Variants in RHBDD1 observed in about 807,000 individuals in gnomAD.
RHBDD1 encodes rhomboid-related protein 4.
In RHBDD1, 38 loss-of-function variants were observed where a neutral mutation model predicts 36.3. The observed-to-expected ratio is 1.05, with a 90% CI of 0.81 to 1.37. The LOEUF (loss-of-function observed/expected upper bound fraction) is 1.37. Ranked by LOEUF, RHBDD1 falls within the 40% of genes most tolerant of loss-of-function variation. RHBDD1 has a pLI of 0.00. For missense variants in RHBDD1, 393 were observed against 377.6 expected (o/e 1.04, Z -0.34); for synonymous variants, 151 against 136.5 (o/e 1.11, Z -0.74).
the RHBDD1 span, among the ~76,000 whole-genome samples, chr2:226,803,814 G>T: frequency 6.6e-6 from 1 of 152,164 alleles, no homozygotes; most frequent in South Asian, 2.1e-4. Context: ...CCAATTAAAA[G>T]AGAGCTGAAA....
At chr2:226,836,993 C>G (rs1054031911) in intron 1 of RHBDD1, among the ~76,000 whole-genome samples, 1 of 152,180 alleles carries the variant, frequency 6.6e-6, no homozygotes, top group Non-Finnish European at 1.5e-5. Context: ...TGGAAATGCA[C>G]ATTTTGGGGT....
At chr2:226,984,481 A>T (rs1171635518) in intron 8 of RHBDD1, among the ~76,000 whole-genome samples, 2 of 152,156 alleles carry the variant, frequency 1.3e-5, no homozygotes, top group Non-Finnish European at 2.9e-5. Context: ...TCATGTCCTC[A>T]TGTAAACCTA....
At chr2:226,838,664 AT>A (rs1941281933) in intron 2 of RHBDD1, among the ~76,000 whole-genome samples, 2 of 152,224 alleles carry the variant, frequency 1.3e-5, no homozygotes, top group African/African-American at 4.8e-5. Context: ...TATGCCATTC[AT>A]TTTATAATAT....
intron 5 of RHBDD1, among the ~76,000 whole-genome samples, chr2:226,897,927 C>T (rs1429059187): frequency 4.6e-5 from 7 of 151,998 alleles, no homozygotes; most frequent in Admixed American, 2.0e-4. Flanking sequence ...TGCAATGAGC[C>T]GAGATTGCGC....
intron 8 of RHBDD1, among the ~76,000 whole-genome samples, chr2:226,940,090 C>A (rs1460501998): frequency 6.6e-6 from 1 of 152,138 alleles, no homozygotes; most frequent in Non-Finnish European, 1.5e-5. Flanking sequence ...GGACCCCTTC[C>A]CTACACCTTA....
chr2:226,818,895 T>G, the RHBDD1 span, among the ~76,000 whole-genome samples: 2 of 152,078 alleles, frequency 1.3e-5, no homozygotes, highest in Non-Finnish European at 2.9e-5. Context: ...CTGAGAGCAC[T>G]GAGCCATGAT....
intron 8 of RHBDD1, among the ~76,000 whole-genome samples, chr2:226,929,132 C>T (rs1385312789): frequency 2.6e-5 from 4 of 152,004 alleles, no homozygotes; most frequent in South Asian, 2.1e-4. Context: ...AAGAGGGAAT[C>T]GTCCCTAATT....
At chr2:226,910,335 C>T (rs1948431878) in intron 7 of RHBDD1, among the ~76,000 whole-genome samples, 1 of 152,146 alleles carries the variant, frequency 6.6e-6, no homozygotes, top group African/African-American at 2.4e-5. Flanking sequence ...TAGTTATATG[C>T]CTTTCTCTGA....
chr2:226,834,215 GAAGAT>G (rs1314591989), upstream of RHBDD1, among the ~76,000 whole-genome samples: 9 of 152,316 alleles, frequency 5.9e-5, no homozygotes, highest in African/African-American at 1.7e-4. Context: ...ATGGAGAATA[GAAGAT>G]AAGATTAATA....
intron 4 of RHBDD1, 78 bp downstream of exon 4, chr2:226,865,204 G>A: frequency 8.8e-7 from 1 of 1,134,232 alleles, no homozygotes; most frequent in Non-Finnish European, 1.3e-6. Flanking sequence ...TATGAAGTGT[G>A]GGTCCCTATC....
At chr2:226,853,687 A>G (rs1192350183) in intron 3 of RHBDD1, among the ~76,000 whole-genome samples, 1 of 152,254 alleles carries the variant, frequency 6.6e-6, no homozygotes, top group African/African-American at 2.4e-5. Context: ...AATTGGGCAC[A>G]AGATGTAATG....
intron 8 of RHBDD1, among the ~76,000 whole-genome samples, chr2:226,991,672 A>AGC (rs1294234102): frequency 3.3e-5 from 5 of 152,208 alleles, no homozygotes; most frequent in Admixed American, 6.5e-5. Context: ...CCAACAAAGG[A>AGC]GCTACTCAGT....
intron 5 of RHBDD1, among the ~76,000 whole-genome samples, chr2:226,877,129 G>C (rs1945302503): frequency 6.6e-6 from 1 of 152,206 alleles, no homozygotes; most frequent in Non-Finnish European, 1.5e-5. Flanking sequence ...AATTTGGCAT[G>C]TGGTGGTTGC....
At chr2:226,982,913 G>T (rs1265915726) in intron 8 of RHBDD1, among the ~76,000 whole-genome samples, 1 of 152,104 alleles carries the variant, frequency 6.6e-6, no homozygotes, top group Non-Finnish European at 1.5e-5. Flanking sequence ...ACTAACGATT[G>T]TATTTGTTGT....
At chr2:226,813,670 G>T in the RHBDD1 span, among the ~76,000 whole-genome samples, 1 of 152,198 alleles carries the variant, frequency 6.6e-6, no homozygotes, top group Middle Eastern at 3.2e-3. Flanking sequence ...AATAAGATAG[G>T]AATAGTAATA....
At chr2:226,847,014 G>A (rs565091677) in intron 3 of RHBDD1, among the ~76,000 whole-genome samples, 1 of 152,318 alleles carries the variant, frequency 6.6e-6, no homozygotes, top group Admixed American at 6.5e-5. Context: ...AACTGCACAT[G>A]TGGATAGGTA....
At position 226,864,953 on chromosome 2, in the gene RHBDD1, C is replaced by G. The variant is rs777428425; in HGVS notation, c.260C>G (p.Ser87Cys). The change falls in exon 4 of 9, where the codon TCC (serine) becomes TGC (cysteine). Residue 87 changes from serine (S) to cysteine (C), a missense_variant. By Grantham distance (112) the Ser-to-Cys change is moderately radical. Coordinates refer to ENST00000392062, the MANE Select transcript of RHBDD1 (RefSeq NM_001167608.3). ...DDWHLYFNMASMLWKGINLER... is the reference protein window; with the variant it reads ...DDWHLYFNMACMLWKGINLER... ...TGGCATTTGTATTTCAATATGGCAT[C>G]CATGCTCTGGAAAGGAATAAATCTA... The G allele has an allele frequency of 1.2e-6, 2 of 1,614,202 alleles. No homozygotes were observed. Among genetic ancestry groups the G allele is most frequent in the South Asian group, 2.2e-5 (2 of 91,084 alleles).
At chr2:226,801,618 C>G in the RHBDD1 span, among the ~76,000 whole-genome samples, 1 of 152,042 alleles carries the variant, frequency 6.6e-6, no homozygotes, top group Non-Finnish European at 1.5e-5. Flanking sequence ...CCTTCTTTTC[C>G]TCTGACAGCT....
intron 5 of RHBDD1, among the ~76,000 whole-genome samples, chr2:226,889,153 A>G (rs1410688219): frequency 6.6e-6 from 1 of 152,190 alleles, no homozygotes; most frequent in South Asian, 2.1e-4. Context: ...TGTTTAACAC[A>G]CATGGTTTGT....
Sources: gnomAD v4.1 joint callset for allele counts (sites outside exome capture counted in the v4.1 genomes callset) on GRCh38, gnomAD v4.1.1 for gene constraint, MANE v1.5 for transcripts, NCBI Gene and HGNC (gene_info 2026-07-23, HGNC 2026-07-21) for gene names.